Variants in ZNF841 observed in about 807,000 individuals in gnomAD.
The protein encoded by ZNF841 is zinc finger protein 841, also known as TCONS_00006091.
In ZNF841, 11 loss-of-function variants were observed where a neutral mutation model predicts 13.0. The ratio of observed to expected loss-of-function variants is 0.85; its 90% CI spans 0.53 to 1.40. The LOEUF (loss-of-function observed/expected upper bound fraction) is 1.40, where lower values mean the gene tolerates loss of function less well. Among genes scored for constraint, ZNF841 ranks in the 40% most tolerant of loss-of-function variants. The probability of loss-of-function intolerance (pLI) is 0.00; values close to 1 mark genes in which losing one functional copy is unlikely to be tolerated. For synonymous variants in ZNF841, 369 were observed against 381.6 expected, an observed-to-expected ratio of 0.97 and a Z score of 0.38; for missense variants, 1,068 against 1,139.5, an observed-to-expected ratio of 0.94 and a Z score of 0.90.
At chr19:52,088,517 T>TTA in intron 3 of ZNF841, among the ~76,000 whole-genome samples, 1 of 152,246 alleles carries the variant, frequency 6.6e-6, no homozygotes, top group African/African-American at 2.4e-5. Context: ...TGTACCAAAT[T>TTA]TATATAAACA....
chr19:52,087,675 GA>G (rs1257466583), intron 3 of ZNF841, among the ~76,000 whole-genome samples: 1 of 151,562 alleles, frequency 6.6e-6, no homozygotes, highest in Non-Finnish European at 1.5e-5. Context: ...AGGTTTAGGG[GA>G]AAAAAAACTC....
intron 3 of ZNF841, 132 bp downstream of exon 3, chr19:52,088,805 G>A (rs1050847730): frequency 1.3e-5 from 2 of 152,070 alleles, no homozygotes; most frequent in African/African-American, 4.8e-5. Flanking sequence ...TTCATTGTTT[G>A]GTGCAATACG....
Position 52,065,784 on chromosome 19 carries a change from G to A in ZNF841, c.2098C>T (p.His700Tyr). Residue 700 changes from histidine to tyrosine, a missense_variant, in exon 7 of 7, where the codon CAC becomes TAC. His to Tyr is a moderately conservative substitution (Grantham distance 83). Transcript: ENST00000594440. ...FIQSSKLARY[H>Y]RNPTGEKPHK... ...GGTTTCTCCCCAGTAGGATTTCTGT[G>A]ATATCTTGCAAGTTTTGAACTTTGG... is the stretch of plus-strand genomic sequence containing the variant. The A allele has an allele frequency of 6.2e-7, 1 of 1,610,912 alleles. No homozygotes were observed. Among genetic ancestry groups the A allele is most frequent in the Non-Finnish European group, 8.5e-7 (1 of 1,178,208 alleles).
At chr19:52,095,349 G>C (rs572464326) in intron 1 of ZNF841, among the ~76,000 whole-genome samples, 1 of 152,250 alleles carries the variant, frequency 6.6e-6, no homozygotes, top group South Asian at 2.1e-4. Flanking sequence ...CCGGACAGTG[G>C]GCGCTCCCCT....
At chr19:52,069,557 A>G (rs1286803537) in intron 6 of ZNF841, among the ~76,000 whole-genome samples, 2 of 152,300 alleles carry the variant, frequency 1.3e-5, no homozygotes, top group East Asian at 3.9e-4. Context: ...CAAAATTCCT[A>G]TGTTAAGGCC....
At chr19:52,090,562 G>A (rs1001877216) in intron 2 of ZNF841, among the ~76,000 whole-genome samples, 2 of 150,754 alleles carry the variant, frequency 1.3e-5, no homozygotes, top group Admixed American at 1.3e-4. Flanking sequence ...TCGCCCCACT[G>A]CATGCCAGCA....
At chr19:52,093,595 A>G (rs977450679) in intron 2 of ZNF841, among the ~76,000 whole-genome samples, 2 of 152,208 alleles carry the variant, frequency 1.3e-5, no homozygotes, top group Non-Finnish European at 2.9e-5. Context: ...AGTTTTTGAA[A>G]AATCTAATAA....
chr19:52,061,978 C>T (rs143241256), downstream of ZNF841, among the ~76,000 whole-genome samples: 2 of 152,270 alleles, frequency 1.3e-5, no homozygotes, highest in South Asian at 2.1e-4. Flanking sequence ...CCCCCAAACA[C>T]TCAGTGGGGA....
intron 6 of ZNF841, among the ~76,000 whole-genome samples, chr19:52,068,399 G>A (rs1351932716): frequency 1.3e-5 from 2 of 152,050 alleles, no homozygotes; most frequent in East Asian, 1.9e-4. Context: ...CAGGTCAGCC[G>A]GGCACGGTGG....
chr19:52,066,365 A>ACT lies in ZNF841; in HGVS notation c.1515_1516dup (p.Val506GlufsTer24). On this transcript the variant is annotated frameshift_variant, in exon 7 of 7. Transcript: ENST00000594440. LOFTEE classifies it low-confidence loss of function (END_TRUNC). ...TTTGTAAGGTTTCTCTCCAGTATGA[A>ACT]CTCTCTGATGCACTGCAAGATGTGA... 6.2e-7 allele frequency: 1 copy of ACT among 1,613,812 alleles called. No homozygotes were observed. Among genetic ancestry groups the ACT allele is most frequent in the Non-Finnish European group, 8.5e-7 (1 of 1,179,928 alleles).
chr19:52,084,655 A>C, intron 4 of ZNF841, 132 bp downstream of exon 4: 1 of 942,342 alleles, frequency 1.1e-6, no homozygotes, highest in South Asian at 1.5e-5. Flanking sequence ...AGAGGGACTG[A>C]AGGAAGGCAT....
chr19:52,078,966 A>C (rs1472683247), intron 4 of ZNF841, among the ~76,000 whole-genome samples: 1 of 152,148 alleles, frequency 6.6e-6, no homozygotes, highest in African/African-American at 2.4e-5. Flanking sequence ...TTTTTGGATG[A>C]CTTTTTAAAT....
chr19:52,077,082 T>A lies in ZNF841; in HGVS notation c.18A>T (p.Gly6=). The change falls in exon 5 of 7, where the codon GGA becomes GGT. Residue 6 remains glycine (G), a splice_region_variant and synonymous_variant. Transcript: ENST00000594440. ...CAGCCACATCCCTGAATGTCAAAGA[T>A]CCCTGAAATGAAAAACACATTTCAA... MALPQ[G]SLTFRDVAVE... is the part of the protein sequence containing the mutation. The A allele has an allele frequency of 6.2e-7, 1 of 1,607,234 alleles. No individual in the cohort carries two copies. The highest frequency in any genetic ancestry group is 8.5e-7 in the Non-Finnish European group (1 of 1,177,308).
intron 4 of ZNF841, among the ~76,000 whole-genome samples, chr19:52,077,317 GAAAT>G (rs1302610109): frequency 6.6e-6 from 1 of 152,136 alleles, no homozygotes; most frequent in Non-Finnish European, 1.5e-5. Flanking sequence ...GACAAAATAA[GAAAT>G]AAACACATGG....
At chr19:52,077,929 C>T (rs770587853) in intron 4 of ZNF841, among the ~76,000 whole-genome samples, 11 of 152,120 alleles carry the variant, frequency 7.2e-5, no homozygotes, top group Admixed American at 2.0e-4. Flanking sequence ...ACGAATGCTA[C>T]AGTATACTGA....
chr19:52,090,980 T>C (rs1039507124), intron 2 of ZNF841, among the ~76,000 whole-genome samples: 2 of 152,302 alleles, frequency 1.3e-5, no homozygotes, highest in Admixed American at 6.5e-5. Flanking sequence ...GTCAAGCAGC[T>C]GACTGACAAC....
chr19:52,084,432 C>T (rs2088202675), intron 4 of ZNF841, among the ~76,000 whole-genome samples: 1 of 152,164 alleles, frequency 6.6e-6, no homozygotes, highest in Admixed American at 6.5e-5. Flanking sequence ...CTTCCACATA[C>T]AGCTTCTCTA....
chr19:52,089,343 T>A (rs2088394282), intron 2 of ZNF841, among the ~76,000 whole-genome samples: 1 of 152,024 alleles, frequency 6.6e-6, no homozygotes, highest in Non-Finnish European at 1.5e-5. Context: ...CCAAATGCTA[T>A]GAAGAAAATC....
intron 6 of ZNF841, among the ~76,000 whole-genome samples, chr19:52,073,915 GA>G (rs2087814892): frequency 6.6e-6 from 1 of 152,040 alleles, no homozygotes; most frequent in Non-Finnish European, 1.5e-5. Flanking sequence ...ATATAACAAA[GA>G]ACGATCAATC....
Sources: gnomAD v4.1 joint callset for allele counts (sites outside exome capture counted in the v4.1 genomes callset) on GRCh38, gnomAD v4.1.1 for gene constraint, MANE v1.5 for transcripts, NCBI Gene and HGNC (gene_info 2026-07-23, HGNC 2026-07-21) for gene names.